The following MAP4K4 variants were observed in gnomAD, a reference collection of about 807,000 sequenced individuals.
MAP4K4 encodes HPK/GCK-like kinase HGK.
Under a neutral mutation model 189.6 loss-of-function variants are expected in MAP4K4, and 38 were observed. The ratio of observed to expected loss-of-function variants is 0.20; its 90% CI spans 0.15 to 0.26. MAP4K4 has a LOEUF of 0.26. MAP4K4 is among the 10% of genes least tolerant of loss of function. The probability of loss-of-function intolerance (pLI) is 1.00; values close to 1 mark genes in which losing one functional copy is unlikely to be tolerated. For synonymous variants in MAP4K4, 610 were observed against 624.3 expected, an observed-to-expected ratio of 0.98 and a Z score of 0.34; for missense variants, 1,054 against 1,726.9, an observed-to-expected ratio of 0.61 and a Z score of 6.91.
At chr2:101,870,332 G>A (rs767343379) in exon 23 of MAP4K4, 6 of 1,613,236 alleles carry the variant, frequency 3.7e-6, no homozygotes, top group Admixed American at 3.3e-5. Flanking sequence ...AACGGAATCT[G>A]TGAAAACCAT....
chr2:101,783,569 C>G (rs2088942817), intron 2 of MAP4K4, among the ~76,000 whole-genome samples: 2 of 152,172 alleles, frequency 1.3e-5, no homozygotes, highest in Non-Finnish European at 2.9e-5. Context: ...GCCTGGAAGT[C>G]TGCATGTCAC....
chr2:101,837,240 G>A (rs759197499), intron 9 of MAP4K4, among the ~76,000 whole-genome samples: 2 of 151,582 alleles, frequency 1.3e-5, no homozygotes, highest in South Asian at 2.1e-4. Flanking sequence ...AGCTGTTCCT[G>A]TTTATGCTTT....
Position 101,802,677 on chromosome 2 carries a change from C to T in MAP4K4, c.180+11901C>T, listed in dbSNP as rs116206724. ...AAGCTCTTGCCCTGTTCTATGTCACCGTATATAACTGGCATATTTATTCTA... is the reference window on the plus strand; with the variant it reads ...AAGCTCTTGCCCTGTTCTATGTCACTGTATATAACTGGCATATTTATTCTA... On this transcript the variant is annotated intron_variant, in intron 3 of 32. Transcript: ENST00000324219. 3.5e-3 allele frequency among the ~76,000 whole-genome samples: 532 copies of T among 152,272 alleles called. 2 individuals carry two copies. The highest frequency in any genetic ancestry group is 0.012 in the African/African-American group (514 of 41,544).
chr2:101,893,563 A>G, exon 33 of MAP4K4: 1 of 219,014 alleles, frequency 4.6e-6, no homozygotes, highest in Non-Finnish European at 9.4e-6. Context: ...GGAAAGGCAC[A>G]GGTGGAGAAC....
intron 3 of MAP4K4, among the ~76,000 whole-genome samples, chr2:101,812,172 G>A (rs1576032958): frequency 6.6e-6 from 1 of 152,098 alleles, no homozygotes; most frequent in East Asian, 1.9e-4. Context: ...TGACAACTCC[G>A]TTCTTTTTCC....
At chr2:101,822,047 T>A (rs570853953) in intron 3 of MAP4K4, among the ~76,000 whole-genome samples, 143 of 152,334 alleles carry the variant, frequency 9.4e-4, no homozygotes, top group African/African-American at 3.4e-3. Flanking sequence ...AGCTGTCATC[T>A]CCTATAATAA....
At chr2:101,836,083 G>A (rs1047760239) in intron 9 of MAP4K4, 105 bp downstream of exon 9, 5 of 789,824 alleles carry the variant, frequency 6.3e-6, no homozygotes, top group Non-Finnish European at 1.0e-5. Flanking sequence ...CTAATTCTGG[G>A]GAACCCAAGA....
At chr2:101,803,257 G>GTGTGTA (rs2094550507) in intron 3 of MAP4K4, among the ~76,000 whole-genome samples, 3 of 151,640 alleles carry the variant, frequency 2.0e-5, no homozygotes, top group South Asian at 2.1e-4. Context: ...GTGTGTGTGT[G>GTGTGTA]TGTGTGTATG....
intron 24 of MAP4K4, among the ~76,000 whole-genome samples, chr2:101,872,171 T>C (rs1386781164): frequency 6.6e-6 from 1 of 151,954 alleles, no homozygotes; most frequent in African/African-American, 2.4e-5. Flanking sequence ...TTTTTTTTTT[T>C]CTTGTTTGGG....
In MAP4K4 at chr2:101,877,182, C is replaced by G; in HGVS notation, c.3385+36C>G. ...GTTTTGTAAACCAGAATATGTGACACCATCTTAACAATATTGTAGCTTTAC... is the reference window on the plus strand; with the variant it reads ...GTTTTGTAAACCAGAATATGTGACAGCATCTTAACAATATTGTAGCTTTAC... On this transcript the variant is annotated intron_variant, in intron 27 of 32. Coordinates refer to ENST00000324219, the Ensembl canonical transcript of MAP4K4. 2.5e-6 allele frequency: 4 copies of G among 1,607,830 alleles called. No homozygotes were observed. The South Asian group carries it at 3.3e-5, about 13-fold the overall frequency.
intron 25 of MAP4K4, 90 bp downstream of exon 25, chr2:101,873,854 C>A: frequency 1.0e-6 from 1 of 962,846 alleles, no homozygotes; most frequent in Non-Finnish European, 1.6e-6. Flanking sequence ...GCTGGTTGTT[C>A]ACAGGCACAG....
At chr2:101,721,394 A>G (rs2051852276) in intron 2 of MAP4K4, among the ~76,000 whole-genome samples, 1 of 151,704 alleles carries the variant, frequency 6.6e-6, no homozygotes, top group African/African-American at 2.4e-5. Context: ...CCTGTCTGAA[A>G]TATCTTTGAG....
chr2:101,797,419 A>G, intron 3 of MAP4K4: 1 of 1,287,984 alleles, frequency 7.8e-7, no homozygotes, highest in Non-Finnish European at 1.0e-6. Flanking sequence ...GACAGTCTGT[A>G]TCCCCCTCCT....
intron 2 of MAP4K4, among the ~76,000 whole-genome samples, chr2:101,738,338 C>CT (rs1202869127): frequency 6.6e-6 from 1 of 152,054 alleles, no homozygotes; most frequent in Non-Finnish European, 1.5e-5. Flanking sequence ...TAGGGCCAAC[C>CT]TGAGGGGTAA....
At chr2:101,698,131 C>T (rs375219171) in exon 1 of MAP4K4, 5 of 1,242,012 alleles carry the variant, frequency 4.0e-6, no homozygotes, top group Non-Finnish European at 5.2e-6. Context: ...ACCTCTCCTC[C>T]CTGCGGGTGA....
intron 12 of MAP4K4, 120 bp downstream of exon 12, chr2:101,844,431 C>G: frequency 1.3e-6 from 1 of 749,826 alleles, no homozygotes; most frequent in Non-Finnish European, 2.2e-6. Flanking sequence ...TCCCCTGGCA[C>G]AGCTGTTTAC....
chr2:101,871,789 C>T, intron 24 of MAP4K4, 104 bp downstream of exon 24: 14 of 1,041,904 alleles, frequency 1.3e-5, no homozygotes, highest in Middle Eastern at 2.8e-4. Flanking sequence ...CCCTTCCCTT[C>T]CCACCCTGCT....
chr2:101,817,893 GGGT>G (rs2095818155), intron 3 of MAP4K4, among the ~76,000 whole-genome samples: 4 of 152,076 alleles, frequency 2.6e-5, no homozygotes, highest in Non-Finnish European at 5.9e-5. Flanking sequence ...TGATCTTGGG[GGGT>G]GCGGATTAAT....
intron 2 of MAP4K4, among the ~76,000 whole-genome samples, chr2:101,708,968 T>C (rs1004520450): frequency 1.3e-5 from 2 of 152,180 alleles, no homozygotes; most frequent in Non-Finnish European, 2.9e-5. Flanking sequence ...CCACATTTGT[T>C]ACCTGTTCAC....
Sources: gnomAD v4.1 joint callset for allele counts (sites outside exome capture counted in the v4.1 genomes callset) on GRCh38, gnomAD v4.1.1 for gene constraint, MANE v1.5 for transcripts, NCBI Gene and HGNC (gene_info 2026-07-23, HGNC 2026-07-21) for gene names.